JAK1: variants seen among roughly 807,000 people sequenced by gnomAD.
The protein encoded by JAK1 is Janus kinase 1.
JAK1 carries 16 observed loss-of-function variants against 136.6 expected under a neutral mutation model. That is an observed-to-expected ratio of 0.12 (90% CI 0.08 to 0.18). The LOEUF (loss-of-function observed/expected upper bound fraction) is 0.18. Ranked by LOEUF, JAK1 falls within the 10% of genes least tolerant of loss-of-function variation. The probability of loss-of-function intolerance (pLI) is 1.00; values close to 1 mark genes in which losing one functional copy is unlikely to be tolerated. For missense variants in JAK1, 859 were observed against 1,450.1 expected (o/e 0.59, Z 6.62); for synonymous variants, 492 against 519.5 (o/e 0.95, Z 0.72).
At chr1:64,955,603 A>C (rs1646172236) in intron 1 of JAK1, among the ~76,000 whole-genome samples, 1 of 152,188 alleles carries the variant, frequency 6.6e-6, no homozygotes. Context: ...ACTAAGGTGG[A>C]GTTTGGATTG....
intron 2 of JAK1, among the ~76,000 whole-genome samples, chr1:65,012,822 G>A (rs964601879): frequency 3.3e-5 from 5 of 150,668 alleles, no homozygotes; most frequent in South Asian, 2.1e-4. Flanking sequence ...GGCCAGGCAC[G>A]GTGGCTCACA....
chr1:64,908,625 T>C (rs7519231), intron 1 of JAK1, among the ~76,000 whole-genome samples: 101,296 of 151,958 alleles, frequency 0.67, 36,001 homozygotes, highest in Middle Eastern at 0.82. Flanking sequence ...ACTAGTAAAA[T>C]AGTATTTGAA....
In JAK1 at chr1:64,936,616, CA is replaced by C. The variant is rs539993206; in HGVS notation, c.-78+29716del. Among the ~76,000 whole-genome samples the C allele has an allele frequency of 3.2e-3, 491 of 152,300 alleles. 1 individual carries two copies. Among genetic ancestry groups the C allele is most frequent in the Non-Finnish European group, 5.3e-3 (363 of 68,020 alleles). ...GCCAAACACAAGAGCTGAGAAACAG[CA>C]CAGCCCTGTGACCAGTAGCCAGGGT... On this transcript the variant is annotated intron_variant, in intron 1 of 24. Coordinates refer to ENST00000342505, the MANE Select transcript of JAK1 (RefSeq NM_002227.4).
At chr1:65,049,889 C>T (rs761269697) in intron 1 of JAK1, among the ~76,000 whole-genome samples, 3 of 152,178 alleles carry the variant, frequency 2.0e-5, no homozygotes, top group Non-Finnish European at 2.9e-5. Flanking sequence ...ATGTCAAATT[C>T]GCATGCTCCG....
chr1:64,876,707 T>C (rs970554154), intron 4 of JAK1, among the ~76,000 whole-genome samples: 4 of 151,860 alleles, frequency 2.6e-5, no homozygotes, highest in Non-Finnish European at 4.4e-5. Flanking sequence ...CCAGATACTA[T>C]AGCATGCCAA....
chr1:65,035,084 ATAAATAAT>A (rs1647061170), intron 2 of JAK1, among the ~76,000 whole-genome samples: 1 of 150,986 alleles, frequency 6.6e-6, no homozygotes, highest in Non-Finnish European at 1.5e-5. Context: ...AAATAAATAA[ATAAATAAT>A]AAATAAATTC....
At chr1:64,893,473 T>G (rs1361518514) in intron 1 of JAK1, among the ~76,000 whole-genome samples, 3 of 152,222 alleles carry the variant, frequency 2.0e-5, no homozygotes, top group Non-Finnish European at 2.9e-5. Context: ...CACCCTAACC[T>G]GGGTCCAGAT....
intron 11 of JAK1, among the ~76,000 whole-genome samples, chr1:64,855,052 C>G (rs1289653870): frequency 6.6e-6 from 1 of 152,200 alleles, no homozygotes; most frequent in African/African-American, 2.4e-5. Context: ...CTGCAGTGGC[C>G]TCATTTACCT....
intron 2 of JAK1, among the ~76,000 whole-genome samples, chr1:65,011,364 T>C (rs1646847482): frequency 6.6e-6 from 1 of 152,118 alleles, no homozygotes; most frequent in Non-Finnish European, 1.5e-5. Context: ...TAGTCCCAGC[T>C]ACTTGGGAGG....
intron 2 of JAK1, chr1:64,995,072 G>A (rs1161591067): frequency 1.3e-5 from 2 of 151,444 alleles, no homozygotes; most frequent in Non-Finnish European, 2.9e-5. Context: ...GTTGATAAAT[G>A]TTCCATAATT....
At chr1:64,968,229 G>A (rs1646415527), upstream of JAK1, among the ~76,000 whole-genome samples, 1 of 152,070 alleles carries the variant, frequency 6.6e-6, no homozygotes. Context: ...AGGGGGAGAG[G>A]GCCTGGATTC....
chr1:65,011,241 C>T (rs984460698), intron 2 of JAK1, among the ~76,000 whole-genome samples: 3 of 151,962 alleles, frequency 2.0e-5, no homozygotes, highest in South Asian at 2.1e-4. Flanking sequence ...TTTAGCAGGC[C>T]GAGGCGGGAG....
intron 1 of JAK1, among the ~76,000 whole-genome samples, chr1:64,948,165 C>A (rs2100560171): frequency 6.6e-6 from 1 of 152,298 alleles, no homozygotes; most frequent in East Asian, 1.9e-4. Flanking sequence ...TTGGTTCCCA[C>A]TAATTATTGG....
At chr1:64,995,781 A>T (rs1188082311) in intron 2 of JAK1, among the ~76,000 whole-genome samples, 1 of 152,156 alleles carries the variant, frequency 6.6e-6, no homozygotes, top group Non-Finnish European at 1.5e-5. Flanking sequence ...TCTGTCACTC[A>T]GGCTGGAGTG....
At chr1:64,949,921 AAATT>A (rs1467829027) in intron 1 of JAK1, among the ~76,000 whole-genome samples, 2 of 152,246 alleles carry the variant, frequency 1.3e-5, no homozygotes, top group African/African-American at 2.4e-5. Flanking sequence ...AAAATAAAAT[AAATT>A]AACACAACTA....
chr1:64,894,410 C>G (rs1644982937), intron 1 of JAK1, among the ~76,000 whole-genome samples: 1 of 152,162 alleles, frequency 6.6e-6, no homozygotes, highest in Admixed American at 6.5e-5. Context: ...CCATTTCAGT[C>G]TATGCACCAA....
chr1:65,061,563 A>AT (rs2100891080), intron 1 of JAK1, among the ~76,000 whole-genome samples: 1 of 152,342 alleles, frequency 6.6e-6, no homozygotes, highest in African/African-American at 2.4e-5. Flanking sequence ...AAATACTTTT[A>AT]AACTATAGTT....
intron 2 of JAK1, among the ~76,000 whole-genome samples, chr1:65,030,800 G>A (rs1647016073): frequency 6.6e-6 from 1 of 152,146 alleles, no homozygotes; most frequent in Non-Finnish European, 1.5e-5. Context: ...CCAAAGTGCT[G>A]GGATTACAGG....
intron 2 of JAK1, among the ~76,000 whole-genome samples, chr1:64,983,765 T>C (rs960094628): frequency 3.3e-5 from 5 of 152,220 alleles, no homozygotes; most frequent in Non-Finnish European, 5.9e-5. Context: ...ACAATGCCCA[T>C]CTTGGTTAAT....
Sources: allele counts gnomAD v4.1 joint callset (sites outside exome capture counted in the v4.1 genomes callset), GRCh38; gene constraint gnomAD v4.1.1; transcripts MANE v1.5; gene names NCBI Gene and HGNC (gene_info 2026-07-23, HGNC 2026-07-21).